The following IQSEC2 variants were observed in gnomAD, a reference collection of about 807,000 sequenced individuals.
IQSEC2 encodes IQ motif and SEC7 domain-containing protein 2.
IQSEC2 carries 6 observed loss-of-function variants against 74.6 expected under a neutral mutation model. That is an observed-to-expected ratio of 0.08 (90% confidence interval 0.04 to 0.16). The LOEUF (loss-of-function observed/expected upper bound fraction) is 0.16, where lower values mean the gene tolerates loss of function less well. Among genes scored for constraint, IQSEC2 ranks in the 10% least tolerant of loss-of-function variants. IQSEC2 has a pLI of 1.00. For missense variants in IQSEC2, 734 were observed against 1,306.2 expected, an observed-to-expected ratio of 0.56 and a Z score of 6.75; for synonymous variants, 494 against 544.5, an observed-to-expected ratio of 0.91 and a Z score of 1.29.
chrX:53,266,788 T>G, intron 2 of IQSEC2: 10 of 990,335 alleles, frequency 1.0e-5, no homozygotes, highest in Non-Finnish European at 9.0e-6. Context: ...GAGACAGCAG[T>G]GGGGATGGGA....
In IQSEC2 at chrX:53,285,002, G is replaced by A. The variant is rs193129669; in HGVS notation, c.737+6893C>T. Among the ~76,000 whole-genome samples, 5 of 112,353 alleles carry A rather than the reference G, an allele frequency of 4.5e-5. No homozygotes were observed. In the East Asian group the frequency reaches 8.4e-4, roughly 19 times the overall value. ...TTCTGCTCCCTTTCCAGATGAGACCGTTTCTCATGACAGTGCCATCTCACT... is the reference window on the plus strand; with the variant it reads ...TTCTGCTCCCTTTCCAGATGAGACCATTTCTCATGACAGTGCCATCTCACT... On this transcript the variant is annotated intron_variant, in intron 2 of 14. Transcript: ENST00000642864.
intron 2 of IQSEC2, chrX:53,281,732 T>C: frequency 2.6e-6 from 1 of 385,462 alleles, no homozygotes; most frequent in Non-Finnish European, 4.3e-6. Context: ...GGAAGCGGCC[T>C]GGAGAGCTCA....
In IQSEC2 at chrX:53,320,483, C is replaced by T. The variant is rs1440029473; in HGVS notation, c.641G>A (p.Ser214Asn). The change falls in exon 1 of 15, where the codon AGT becomes AAT. Residue 214 changes from serine (S) to asparagine (N), a missense_variant. By Grantham distance (46) the Ser-to-Asn change is conservative. Transcript: ENST00000642864. The stretch of plus-strand genomic sequence containing the variant: ...GCTGTGGCCTCCGCCGGCGCCGGGA[C>T]TGGAGCTCCTGGATGCGCCACGGCT... Reference protein sequence around the residue: ...QLSRGASRSSSPGAGGGHSTS... With the variant: ...QLSRGASRSSNPGAGGGHSTS... The T allele has an allele frequency of 5.2e-6, 6 of 1,164,057 alleles. No homozygotes were observed. The highest frequency in any genetic ancestry group is 6.9e-6 in the Non-Finnish European group (6 of 871,956).
intron 1 of IQSEC2, among the ~76,000 whole-genome samples, chrX:53,305,613 G>A (rs148151702): frequency 0.019 from 2,164 of 112,161 alleles, 27 homozygotes; most frequent in Non-Finnish European, 0.034. Context: ...TCATTGTATG[G>A]ATGCAGTCAC....
In IQSEC2 at chrX:53,247,104, C is replaced by T; in HGVS notation, c.2614G>A (p.Val872Met). 1.7e-6 allele frequency: 2 copies of T among 1,210,851 alleles called. No individual in the cohort carries two copies. Among genetic ancestry groups the T allele is most frequent in the Non-Finnish European group, 2.2e-6 (2 of 895,215 alleles). The change falls in exon 8 of 15, where the codon GTG becomes ATG. Residue 872 changes from valine to methionine, a missense_variant. By Grantham distance (21) the Val-to-Met change is conservative (BLOSUM62 1). Transcript: ENST00000642864. Reference protein sequence around the residue: ...QRYCVCNPALVRQFRNPDTIF... With the variant: ...QRYCVCNPALMRQFRNPDTIF... ...GTGTCTGGGTTCCGGAACTGGCGCACGAGGGCTGGGTTACAGACACAGTAC... is the reference window on the plus strand; with the variant it reads ...GTGTCTGGGTTCCGGAACTGGCGCATGAGGGCTGGGTTACAGACACAGTAC...
chrX:53,260,610 C>T (rs1469559091), intron 2 of IQSEC2, among the ~76,000 whole-genome samples: 1 of 111,252 alleles, frequency 9.0e-6, no homozygotes, highest in Non-Finnish European at 1.9e-5. Flanking sequence ...TGGCTACCTC[C>T]TGCTCAGCCT....
In IQSEC2 at chrX:53,235,105, C is replaced by T; in HGVS notation, c.3581G>A (p.Ser1194Asn). 1 of 1,005,726 alleles carries T rather than the reference C, an allele frequency of 9.9e-7. No homozygotes were observed. Among genetic ancestry groups the T allele is most frequent in the Non-Finnish European group, 1.3e-6 (1 of 763,233 alleles). The allele number at this position is 1,005,726 out of a possible 1,213,427, so 82.9% of individuals were successfully genotyped here. ...PPPPPPEEYK[S>N]QRPVSNSSSF... Reference sequence around the variant, plus strand: ...TGAGGAGTTGGAGACGGGCCTCTGGCTCTTGTACTCCTCTGGCGGCGGGGG... The same window carrying T: ...TGAGGAGTTGGAGACGGGCCTCTGGTTCTTGTACTCCTCTGGCGGCGGGGG... The change falls in exon 15 of 15, where the codon AGC (serine) becomes AAC (asparagine). Residue 1194 changes from serine (S) to asparagine (N), a missense_variant. Physicochemically the swap from Ser to Asn is conservative, Grantham distance 46. Around this residue, in one of 12 missense-constraint regions of IQSEC2, gnomAD observed 249 missense variants for 467.9 expected, o/e 0.53. Coordinates refer to ENST00000642864, the MANE Select transcript of IQSEC2 (RefSeq NM_001111125.3).
intron 1 of IQSEC2, among the ~76,000 whole-genome samples, chrX:53,299,459 G>A (rs782779035): frequency 9.0e-6 from 1 of 111,236 alleles, no homozygotes; most frequent in Non-Finnish European, 1.9e-5. Flanking sequence ...TTTCCCCAGA[G>A]AACAATCCTT....
Position 53,320,625 on chromosome X carries a change from C to T in IQSEC2, c.499G>A (p.Gly167Ser), listed in dbSNP as rs2075421141. Reference sequence around the variant, plus strand: ...GCCTCCCGCCCGCCACGCTCGCGACCCAGGGCTGGGTTCTCGTGGTGCAGG... The same window carrying T: ...GCCTCCCGCCCGCCACGCTCGCGACTCAGGGCTGGGTTCTCGTGGTGCAGG... ...CHLHHENPAL[G>S]RERGGREAGP... Residue 167 changes from glycine (G) to serine (S), a missense_variant, in exon 1 of 15, where the codon GGT becomes AGT. Physicochemically the swap from Gly to Ser is moderately conservative, Grantham distance 56. Coordinates refer to ENST00000642864, the MANE Select transcript of IQSEC2 (RefSeq NM_001111125.3). The T allele has an allele frequency of 3.5e-6, 4 of 1,159,116 alleles. No individual in the cohort carries two copies. The highest frequency in any genetic ancestry group is 4.6e-6 in the Non-Finnish European group (4 of 869,754).
chrX:53,310,824 A>T (rs1240236912), intron 1 of IQSEC2, among the ~76,000 whole-genome samples: 2 of 110,669 alleles, frequency 1.8e-5, no homozygotes, highest in African/African-American at 6.6e-5. Flanking sequence ...AGAACAGCAC[A>T]TTTAAGAAAA....
intron 4 of IQSEC2, among the ~76,000 whole-genome samples, chrX:53,253,349 G>A (rs139918849): frequency 1.8e-5 from 2 of 112,010 alleles, no homozygotes; most frequent in African/African-American, 6.5e-5. Flanking sequence ...TATTGATCAT[G>A]TTTCAGTGTG....
chrX:53,235,900 GCTGGGCACCAGGA>G, intron 13 of IQSEC2, 68 bp from the exon 14 acceptor site: 5 of 1,052,270 alleles, frequency 4.8e-6, no homozygotes, highest in Non-Finnish European at 6.5e-6. Context: ...GGGCTCCAGA[GCTGGGCACCAGGA>G]CTGGGCCCCT....
At chrX:53,292,797 G>A (rs915346260) in intron 1 of IQSEC2, among the ~76,000 whole-genome samples, 19 of 111,668 alleles carry the variant, frequency 1.7e-4, no homozygotes, top group South Asian at 7.5e-4. Flanking sequence ...GTGTATGTGC[G>A]CGCGCACGTG....
At chrX:53,318,214 C>T (rs907155354) in intron 1 of IQSEC2, among the ~76,000 whole-genome samples, 1 of 112,363 alleles carries the variant, frequency 8.9e-6, no homozygotes, top group Non-Finnish European at 1.9e-5. Flanking sequence ...CCAACACTCA[C>T]TGCAGAAGGC....
chrX:53,237,819 T>G (rs1224550400), intron 12 of IQSEC2: 3 of 275,045 alleles, frequency 1.1e-5, no homozygotes, highest in African/African-American at 2.7e-5. Flanking sequence ...TTAGGCAATT[T>G]GCTGCAGTTC....
intron 2 of IQSEC2, among the ~76,000 whole-genome samples, chrX:53,280,605 T>C (rs1260422807): frequency 9.1e-6 from 1 of 109,767 alleles, no homozygotes; most frequent in Non-Finnish European, 1.9e-5. Context: ...TGAAGGCCAG[T>C]GCTTTACCCC....
intron 1 of IQSEC2, among the ~76,000 whole-genome samples, chrX:53,298,422 C>T (rs891660510): frequency 2.7e-5 from 3 of 111,848 alleles, no homozygotes; most frequent in Non-Finnish European, 5.6e-5. Context: ...GAGAACACTG[C>T]TCCATCATAT....
In IQSEC2 at chrX:53,254,584, T is replaced by C. The variant is rs927517405; in HGVS notation, c.1347A>G (p.Thr449=). 8.4e-7 allele frequency: 1 copy of C among 1,194,060 alleles called. No individual in the cohort carries two copies. Among genetic ancestry groups the C allele is most frequent in the East Asian group, 3.0e-5 (1 of 33,640 alleles). The change falls in exon 4 of 15, where the codon ACA becomes ACG. Residue 449 remains threonine, a synonymous_variant. Coordinates refer to ENST00000642864, the MANE Select transcript of IQSEC2 (RefSeq NM_001111125.3). ...GIDGGGSSVT[T]SGEFSNDITE... ...TGATGTCATTAGAAAACTCTCCAGATGTGGTGACGGAGCTTCCACCACCAT... is the reference window on the plus strand; with the variant it reads ...TGATGTCATTAGAAAACTCTCCAGACGTGGTGACGGAGCTTCCACCACCAT...
intron 1 of IQSEC2, among the ~76,000 whole-genome samples, chrX:53,306,250 G>C (rs960429907): frequency 8.9e-6 from 1 of 111,975 alleles, no homozygotes; most frequent in East Asian, 2.8e-4. Context: ...CAAGCACCCA[G>C]CCAATCCCGG....
Sources: allele counts gnomAD v4.1 joint callset (sites outside exome capture counted in the v4.1 genomes callset), GRCh38; gene constraint gnomAD v4.1.1; regional missense constraint gnomAD v4.1.1; transcripts MANE v1.5; gene names NCBI Gene and HGNC (gene_info 2026-07-23, HGNC 2026-07-21).